Variants in AATF observed in about 807,000 individuals in gnomAD.
AATF encodes the protein apoptosis antagonizing transcription factor, also known as protein AATF.
AATF carries 48 observed loss-of-function variants against 63.7 expected under a neutral mutation model. The ratio of observed to expected loss-of-function variants is 0.75; its 90% CI spans 0.60 to 0.96. The LOEUF (loss-of-function observed/expected upper bound fraction) is 0.96. AATF is among the 40% of genes least tolerant of loss of function. The pLI, the probability that AATF is intolerant of heterozygous loss-of-function variation, is 0.00. For missense variants in AATF, 639 were observed against 685.7 expected (o/e 0.93, Z 0.76); for synonymous variants, 258 against 247.7 (o/e 1.04, Z -0.39).
chr17:36,955,446 C>G (rs1390139646), intron 4 of AATF, among the ~76,000 whole-genome samples: 1 of 152,014 alleles, frequency 6.6e-6, no homozygotes, highest in South Asian at 2.1e-4. Flanking sequence ...CATTTATATC[C>G]CCGCCCCTGT....
chr17:36,949,065 G>C lies in AATF; in HGVS notation c.-61G>C, dbSNP rs983716438. 6.3e-5 allele frequency: 90 copies of C among 1,419,174 alleles called. No individual in the cohort carries two copies. The highest frequency in any genetic ancestry group is 2.3e-4 in the African/African-American group (16 of 69,698). The allele number at this position is 1,419,174 out of a possible 1,614,324, so 87.9% of individuals were successfully genotyped here. ...GGATCCGGCAGGGAAGGAGCTTCGGGGCCGGGGGTTGGGCCGCACATTTAC... is the reference window on the plus strand; with the variant it reads ...GGATCCGGCAGGGAAGGAGCTTCGGCGCCGGGGGTTGGGCCGCACATTTAC... On this transcript the variant is annotated 5_prime_UTR_variant, in exon 1 of 12. Transcript: ENST00000619387.
intron 8 of AATF, among the ~76,000 whole-genome samples, chr17:37,004,178 AAAATTAGCC>A (rs1305108163): frequency 6.6e-6 from 1 of 152,024 alleles, no homozygotes; most frequent in East Asian, 1.9e-4. Context: ...AAAAATACAA[AAAATTAGCC>A]AGGCGTGGTG....
At chr17:36,979,661 CTG>C (rs1248509705) in intron 4 of AATF, among the ~76,000 whole-genome samples, 2 of 152,090 alleles carry the variant, frequency 1.3e-5, no homozygotes, top group Non-Finnish European at 2.9e-5. Context: ...TTAAAAACAA[CTG>C]TATAGATATT....
intron 4 of AATF, among the ~76,000 whole-genome samples, chr17:36,972,045 T>C (rs2071043429): frequency 6.6e-6 from 1 of 152,182 alleles, no homozygotes. Flanking sequence ...GCTTGATTGT[T>C]GTGTACGTTT....
intron 4 of AATF, among the ~76,000 whole-genome samples, chr17:36,978,349 T>G (rs2071094568): frequency 6.6e-6 from 1 of 152,144 alleles, no homozygotes; most frequent in Admixed American, 6.5e-5. Flanking sequence ...ACAAAAACAC[T>G]TTGCATTCAG....
chr17:37,048,280 T>C (rs1266470939), intron 11 of AATF, among the ~76,000 whole-genome samples: 1 of 151,946 alleles, frequency 6.6e-6, no homozygotes, highest in African/African-American at 2.4e-5. Flanking sequence ...GACTAAATAC[T>C]AACTCCTTAT....
In AATF at chr17:36,990,858, G is replaced by A; in HGVS notation, c.1398+1G>A. On this transcript the variant is annotated splice_donor_variant, in intron 8 of 11. Coordinates refer to ENST00000619387, the MANE Select transcript of AATF (RefSeq NM_012138.4). LOFTEE classifies it high-confidence loss of function. ...TGATGATGATGACTTTTACCACCAGGTGAGACTTTTACACTCTCTTGTTAC... is the reference window on the plus strand; with the variant it reads ...TGATGATGATGACTTTTACCACCAGATGAGACTTTTACACTCTCTTGTTAC... 1 of 1,572,644 alleles carries A rather than the reference G, an allele frequency of 6.4e-7. No homozygotes were observed. The highest frequency in any genetic ancestry group is 8.6e-7 in the Non-Finnish European group (1 of 1,163,212).
chr17:36,979,003 C>A (rs2071100361), intron 4 of AATF, among the ~76,000 whole-genome samples: 1 of 151,970 alleles, frequency 6.6e-6, no homozygotes. Flanking sequence ...GCGAGTTGCA[C>A]AATAATCACT....
intron 8 of AATF, chr17:36,998,765 T>C (rs1343551264): frequency 1.3e-5 from 2 of 152,166 alleles, no homozygotes; most frequent in Non-Finnish European, 2.9e-5. Flanking sequence ...ATGCTAGTTT[T>C]ATAAAGGCTA....
rs2071321023 is a variant in AATF at position 37,003,829 on chromosome 17, A to G, written c.1398+12972A>G. On this transcript the variant is annotated intron_variant, in intron 8 of 11. Transcript: ENST00000619387. ...AAGAGAGAATGGGAGGAGGCCGGGC[A>G]TGGTGGCTCACACCTGTAATCCCAG... is the stretch of plus-strand genomic sequence containing the variant. Among the ~76,000 whole-genome samples the G allele has an allele frequency of 3.4e-5, 5 of 149,080 alleles. 1 individual carries two copies. In the South Asian group the frequency reaches 1.2e-3, roughly 35 times the overall value.
intron 11 of AATF, among the ~76,000 whole-genome samples, chr17:37,035,006 T>C (rs1474746130): frequency 6.7e-6 from 1 of 150,300 alleles, no homozygotes. Context: ...GCGCCTGTAG[T>C]CCCAGCTACT....
chr17:37,039,934 A>G (rs2142311218), intron 11 of AATF, among the ~76,000 whole-genome samples: 3 of 152,324 alleles, frequency 2.0e-5, no homozygotes, highest in Middle Eastern at 6.8e-3. Flanking sequence ...TGAACAGATA[A>G]ATCCTTCCTC....
intron 8 of AATF, among the ~76,000 whole-genome samples, chr17:37,000,633 A>G (rs2071287050): frequency 6.6e-6 from 1 of 152,216 alleles, no homozygotes; most frequent in Admixed American, 6.5e-5. Flanking sequence ...AGCCTTCAGC[A>G]TATAGGTTGT....
At chr17:37,054,606 T>G (rs60194023) in intron 11 of AATF, 24 of 152,336 alleles carry the variant, frequency 1.6e-4, no homozygotes, top group African/African-American at 5.8e-4. Context: ...GGTTTCAGCA[T>G]TTCACTCTCT....
intron 10 of AATF, among the ~76,000 whole-genome samples, chr17:37,028,199 T>C (rs2071524545): frequency 6.6e-6 from 1 of 151,848 alleles, no homozygotes; most frequent in Non-Finnish European, 1.5e-5. Context: ...ATCACTTGAA[T>C]TTAGGAATTT....
At chr17:37,002,083 TC>T (rs1179928219) in intron 8 of AATF, among the ~76,000 whole-genome samples, 1 of 150,830 alleles carries the variant, frequency 6.6e-6, no homozygotes, top group Non-Finnish European at 1.5e-5. Flanking sequence ...ACGCCTGTAA[TC>T]CCAGCCACTC....
chr17:37,020,889 A>G (rs543274606), intron 9 of AATF, 45 bp from the exon 10 acceptor site: 16 of 1,467,548 alleles, frequency 1.1e-5, no homozygotes, highest in African/African-American at 8.5e-5. Context: ...ATGTATAACT[A>G]TTTCTGTTAG....
chr17:37,039,221 G>A (rs761142428), intron 11 of AATF, among the ~76,000 whole-genome samples: 1 of 152,134 alleles, frequency 6.6e-6, no homozygotes, highest in Non-Finnish European at 1.5e-5. Flanking sequence ...ACCCTCCATA[G>A]AGCATTTTCT....
intron 8 of AATF, among the ~76,000 whole-genome samples, chr17:37,015,420 A>C (rs186268732): frequency 2.6e-5 from 4 of 152,162 alleles, no homozygotes; most frequent in African/African-American, 7.2e-5. Context: ...TTGTCTGGAG[A>C]GGGCTGCTGT....
Sources: allele counts gnomAD v4.1 joint callset (sites outside exome capture counted in the v4.1 genomes callset), GRCh38; gene constraint gnomAD v4.1.1; transcripts MANE v1.5; gene names NCBI Gene and HGNC (gene_info 2026-07-23, HGNC 2026-07-21).